Variants in KAT6A observed in about 807,000 individuals in gnomAD.
KAT6A encodes the protein histone acetyltransferase KAT6A.
Under a neutral mutation model 198.4 loss-of-function variants are expected in KAT6A, and 9 were observed. The observed-to-expected ratio is 0.05, with a 90% confidence interval of 0.03 to 0.08. KAT6A has a LOEUF of 0.08. Ranked by LOEUF, KAT6A falls within the 10% of genes least tolerant of loss-of-function variation. KAT6A has a pLI of 1.00. For missense variants in KAT6A, 2,077 were observed against 2,509.9 expected (o/e 0.83, Z 3.69); for synonymous variants, 890 against 883.0 (o/e 1.01, Z -0.14).
chr8:42,046,793 T>G (rs1158910159), intron 2 of KAT6A, among the ~76,000 whole-genome samples: 2 of 152,202 alleles, frequency 1.3e-5, no homozygotes, highest in African/African-American at 2.4e-5. Context: ...GAATTTTTAA[T>G]ATATACTTTT....
rs759336080 is a variant in KAT6A at position 41,947,722 on chromosome 8, TCAAA to T, written c.1902+25_1902+28del. ...GATTCTTTCAGATTTCTATATGAGT[TCAAA>T]CAAACTTTAAGCTGACATACTTACC... On this transcript the variant is annotated intron_variant, in intron 11 of 16. Transcript: ENST00000265713. The T allele has an allele frequency of 3.2e-6, 5 of 1,566,852 alleles. No homozygotes were observed. The East Asian group carries it at 9.2e-5, about 29-fold the overall frequency.
intron 8 of KAT6A, among the ~76,000 whole-genome samples, chr8:41,971,374 G>C (rs776432075): frequency 6.6e-6 from 1 of 152,142 alleles, no homozygotes; most frequent in African/African-American, 2.4e-5. Flanking sequence ...AGCTATTTTC[G>C]TGTGGATATG....
At chr8:42,050,733 C>G (rs142002726) in intron 1 of KAT6A, among the ~76,000 whole-genome samples, 16 of 152,224 alleles carry the variant, frequency 1.1e-4, no homozygotes, top group African/African-American at 3.9e-4. Flanking sequence ...AAATGAGAAG[C>G]TACATCCTGA....
intron 8 of KAT6A, among the ~76,000 whole-genome samples, chr8:41,973,336 C>G (rs1021443471): frequency 1.3e-5 from 2 of 151,774 alleles, no homozygotes; most frequent in Non-Finnish European, 2.9e-5. Flanking sequence ...AGTGATTCTT[C>G]TGCCTCAGCC....
At chr8:41,996,956 T>C (rs1357207941) in intron 2 of KAT6A, among the ~76,000 whole-genome samples, 1 of 152,132 alleles carries the variant, frequency 6.6e-6, no homozygotes, top group Non-Finnish European at 1.5e-5. Context: ...ATTCCATTTA[T>C]ATGAGGTACC....
At chr8:42,009,717 A>C (rs1276394640) in intron 2 of KAT6A, among the ~76,000 whole-genome samples, 2 of 151,486 alleles carry the variant, frequency 1.3e-5, no homozygotes, top group Non-Finnish European at 2.9e-5. Flanking sequence ...TGGGAAACAT[A>C]TGAAGACCTT....
At chr8:42,004,884 C>T (rs1258225183) in intron 2 of KAT6A, among the ~76,000 whole-genome samples, 3 of 151,834 alleles carry the variant, frequency 2.0e-5, no homozygotes, top group Admixed American at 6.6e-5. Flanking sequence ...GCCGAGATCA[C>T]GCCATTGCAC....
In KAT6A at chr8:42,028,404, T is replaced by C. The variant is rs1156259215; in HGVS notation, c.600+19974A>G. On this transcript the variant is annotated intron_variant, in intron 2 of 16. Transcript: ENST00000265713. Reference sequence around the variant, plus strand: ...TCTAATAACATTTGCTTTATGTATCTGGGTGCTCCTATATTGGGTGCGTAT... The same window carrying C: ...TCTAATAACATTTGCTTTATGTATCCGGGTGCTCCTATATTGGGTGCGTAT... 2.0e-5 allele frequency among the ~76,000 whole-genome samples: 3 copies of C among 152,222 alleles called. No individual in the cohort carries two copies. In the East Asian group the frequency reaches 5.8e-4, roughly 29 times the overall value.
rs911215755 is a variant in KAT6A at position 41,978,882 on chromosome 8, G to C, written c.908-105C>G. ...TCTTAACTTTTTCAGGTAAAAGACT[G>C]TCATTAGAAAATCTGATGAATACCC... On this transcript the variant is annotated intron_variant, in intron 5 of 16. Transcript: ENST00000265713. 2.3e-5 allele frequency: 24 copies of C among 1,041,504 alleles called. 1 individual carries two copies. In the South Asian group the frequency reaches 3.7e-4, roughly 16 times the overall value. 64.5% of individuals were successfully genotyped at this position (1,041,504 alleles called of 1,614,324 possible). A position where few individuals can be genotyped will look rare whatever the true frequency, so the allele number is the denominator to read the frequency against.
intron 2 of KAT6A, among the ~76,000 whole-genome samples, chr8:42,007,744 C>T (rs987538755): frequency 9.2e-5 from 14 of 151,956 alleles, no homozygotes; most frequent in African/African-American, 3.1e-4. Flanking sequence ...GGGTGGATCA[C>T]GAGGTCAGGA....
At chr8:41,946,345 C>G (rs972145601) in intron 12 of KAT6A, among the ~76,000 whole-genome samples, 1 of 152,034 alleles carries the variant, frequency 6.6e-6, no homozygotes, top group African/African-American at 2.4e-5. Flanking sequence ...TCAAGCAATC[C>G]TCCCACCCCA....
In KAT6A at chr8:42,049,006, C is replaced by A. The variant is rs760117467; in HGVS notation, c.-29G>T. ...GAAGGATTCTGTATATCCATAGAGT[C>A]GTTATCCCTTATCCTGATGCTGAGT... On this transcript the variant is annotated 5_prime_UTR_variant, in exon 2 of 17. Coordinates refer to ENST00000265713, the MANE Select transcript of KAT6A (RefSeq NM_006766.5). 1.5e-5 allele frequency: 24 copies of A among 1,593,182 alleles called. No individual in the cohort carries two copies. Among genetic ancestry groups the A allele is most frequent in the Non-Finnish European group, 2.0e-5 (24 of 1,172,110 alleles).
At chr8:42,034,462 G>C (rs935782772) in intron 2 of KAT6A, among the ~76,000 whole-genome samples, 4 of 152,146 alleles carry the variant, frequency 2.6e-5, no homozygotes, top group African/African-American at 9.7e-5. Flanking sequence ...ACGGGAATGG[G>C]TTACAACTCA....
chr8:41,939,463 C>G (rs1480048071), intron 15 of KAT6A, among the ~76,000 whole-genome samples: 1 of 152,156 alleles, frequency 6.6e-6, no homozygotes, highest in African/African-American at 2.4e-5. Context: ...ACTACAGCCT[C>G]CAGCTCAAGT....
At chr8:41,985,442 G>C (rs1824555758) in intron 3 of KAT6A, among the ~76,000 whole-genome samples, 1 of 152,098 alleles carries the variant, frequency 6.6e-6, no homozygotes, top group Non-Finnish European at 1.5e-5. Context: ...TGTTCTCCAG[G>C]GATATTCGAA....
At chr8:41,988,442 A>T (rs868306826) in intron 2 of KAT6A, among the ~76,000 whole-genome samples, 3 of 152,352 alleles carry the variant, frequency 2.0e-5, no homozygotes, top group East Asian at 1.9e-4. Context: ...ACGAAAATAA[A>T]TTTTTTTAAA....
intron 3 of KAT6A, among the ~76,000 whole-genome samples, chr8:41,986,283 C>T (rs778580264): frequency 3.5e-4 from 53 of 152,176 alleles, no homozygotes; most frequent in South Asian, 1.2e-3. Context: ...ATCTCTGGAA[C>T]TGGCAAATTA....
chr8:42,017,688 A>G (rs557604269), intron 2 of KAT6A, among the ~76,000 whole-genome samples: 1 of 152,314 alleles, frequency 6.6e-6, no homozygotes, highest in Non-Finnish European at 1.5e-5. Context: ...TGAAGTTGCA[A>G]TAAAGGCAAG....
At chr8:42,031,828 G>C (rs1035804411) in intron 2 of KAT6A, among the ~76,000 whole-genome samples, 8 of 150,984 alleles carry the variant, frequency 5.3e-5, no homozygotes, top group African/African-American at 1.9e-4. Flanking sequence ...ATAGGGTTTT[G>C]TCATGTTGGC....
Sources: allele counts gnomAD v4.1 joint callset (sites outside exome capture counted in the v4.1 genomes callset), GRCh38; gene constraint gnomAD v4.1.1; transcripts MANE v1.5; gene names NCBI Gene and HGNC (gene_info 2026-07-23, HGNC 2026-07-21).